Variants in MAGI2 observed in about 807,000 individuals in gnomAD.
MAGI2 encodes membrane associated guanylate kinase, WW and PDZ domain containing 2.
In MAGI2, 35 loss-of-function variants were observed where a neutral mutation model predicts 133.3. The ratio of observed to expected loss-of-function variants is 0.26; its 90% CI spans 0.20 to 0.35. MAGI2 has a LOEUF of 0.35. MAGI2 is among the 10% of genes least tolerant of loss of function. MAGI2 has a pLI of 1.00. For missense variants in MAGI2, 1,636 were observed against 1,863.4 expected (o/e 0.88, Z 2.25); for synonymous variants, 729 against 710.6 (o/e 1.03, Z -0.41).
intron 13 of MAGI2, among the ~76,000 whole-genome samples, chr7:78,182,437 C>A (rs1827274622): frequency 6.6e-6 from 1 of 152,154 alleles, no homozygotes; most frequent in African/African-American, 2.4e-5. Flanking sequence ...CACGTGTTAG[C>A]CATAGTAGAA....
intron 9 of MAGI2, among the ~76,000 whole-genome samples, chr7:78,342,976 T>C (rs950551707): frequency 1.3e-5 from 2 of 152,160 alleles, no homozygotes; most frequent in South Asian, 2.1e-4. Flanking sequence ...AATTACACTA[T>C]ACAAATCTTG....
rs561658629 is a variant in MAGI2 at position 78,202,652 on chromosome 7, C to T, written c.2048-1459G>A. On this transcript the variant is annotated intron_variant, in intron 10 of 21. Transcript: ENST00000354212. The stretch of plus-strand genomic sequence containing the variant: ...GAGCCAAGATCCCGCCACTGTACTC[C>T]AGCCTGGGCAACAGAGTGAGACTCT... Among the ~76,000 whole-genome samples the T allele has an allele frequency of 3.3e-4, 43 of 131,090 alleles. 1 individual carries two copies. In the East Asian group the frequency reaches 9.5e-3, roughly 29 times the overall value. 86.0% of individuals were successfully genotyped at this position (131,090 alleles called of 152,430 possible). A position where few individuals can be genotyped will look rare whatever the true frequency, so the allele number is the denominator to read the frequency against.
At chr7:78,815,676 T>C (rs1257191458) in intron 2 of MAGI2, among the ~76,000 whole-genome samples, 2 of 152,202 alleles carry the variant, frequency 1.3e-5, no homozygotes, top group East Asian at 1.9e-4. Context: ...CGGTGATCTG[T>C]GATCAGTGAG....
intron 6 of MAGI2, among the ~76,000 whole-genome samples, chr7:78,460,570 G>C (rs980799484): frequency 1.3e-5 from 2 of 152,172 alleles, no homozygotes; most frequent in Non-Finnish European, 2.9e-5. Context: ...TGACAGTGTG[G>C]TCTAAGAAGG....
intron 2 of MAGI2, among the ~76,000 whole-genome samples, chr7:78,647,674 C>T (rs10224880): frequency 1.3e-5 from 2 of 152,116 alleles, no homozygotes; most frequent in African/African-American, 2.4e-5. Context: ...TGAAATAATG[C>T]TACTACAAAC....
chr7:78,450,260 T>C lies in MAGI2; in HGVS notation c.1045+39501A>G, dbSNP rs1000369438. On this transcript the variant is annotated intron_variant, in intron 6 of 21. Transcript: ENST00000354212. ...ATATGATTTAAACAATACTAACTCC[T>C]TTCAATCCTGGGAATTCATTAAAAT... Among the ~76,000 whole-genome samples the C allele has an allele frequency of 2.0e-5, 3 of 152,064 alleles. No individual in the cohort carries two copies. In the East Asian group the frequency reaches 5.8e-4, roughly 29 times the overall value.
At chr7:78,420,417 A>G (rs1407573912) in intron 6 of MAGI2, among the ~76,000 whole-genome samples, 1 of 152,178 alleles carries the variant, frequency 6.6e-6, no homozygotes, top group African/African-American at 2.4e-5. Flanking sequence ...AGAAATAAAA[A>G]TCCAATAAAG....
chr7:78,438,637 C>T (rs1321711754), intron 6 of MAGI2, among the ~76,000 whole-genome samples: 2 of 152,138 alleles, frequency 1.3e-5, no homozygotes, highest in Non-Finnish European at 2.9e-5. Flanking sequence ...GTACTCACTC[C>T]AAACCTGGGT....
chr7:78,194,380 A>G (rs1488156535), intron 12 of MAGI2, among the ~76,000 whole-genome samples: 1 of 152,208 alleles, frequency 6.6e-6, no homozygotes, highest in Non-Finnish European at 1.5e-5. Context: ...GGCAGAGATG[A>G]TTGGCACCTA....
At chr7:78,068,110 G>C (rs1239074184) in intron 21 of MAGI2, among the ~76,000 whole-genome samples, 1 of 152,196 alleles carries the variant, frequency 6.6e-6, no homozygotes, top group African/African-American at 2.4e-5. Flanking sequence ...TAGACCAGGT[G>C]GGGGTAGGGG....
rs201930321 is a variant in MAGI2, at chr7:78,369,114, C to A, written c.1103+42G>T. 1.7e-4 allele frequency: 231 copies of A among 1,364,942 alleles called. 1 individual carries two copies. In the African/African-American group the frequency reaches 3.0e-3, roughly 18 times the overall value. The allele number at this position is 1,364,942 out of a possible 1,614,324, so 84.6% of individuals were successfully genotyped here. On this transcript the variant is annotated intron_variant, in intron 7 of 21. Coordinates refer to ENST00000354212, the MANE Select transcript of MAGI2 (RefSeq NM_012301.4). ...TAAATAAAATACTAACATAATTTCACAACATATTAATAACAAGTTAATATC... is the reference window on the plus strand; with the variant it reads ...TAAATAAAATACTAACATAATTTCAAAACATATTAATAACAAGTTAATATC...
At position 79,384,918 on chromosome 7, in the gene MAGI2, A is replaced by C. The variant is rs1299227210; in HGVS notation, c.301+68102T>G. On this transcript the variant is annotated intron_variant, in intron 1 of 21. Transcript: ENST00000354212. ...TTTTCCACAAATATCTTAGCAGTAT[A>C]CTATTTCACAGATAGTTTCTGTTAG... Among the ~76,000 whole-genome samples, 13 of 151,880 alleles carry C rather than the reference A, an allele frequency of 8.6e-5. 1 individual carries two copies. In the East Asian group the frequency reaches 2.5e-3, roughly 30 times the overall value.
chr7:78,497,773 T>TG (rs1794259068), intron 5 of MAGI2, among the ~76,000 whole-genome samples: 2 of 151,670 alleles, frequency 1.3e-5, no homozygotes, highest in Non-Finnish European at 1.5e-5. Context: ...TCTTTCTATC[T>TG]TATACACAGA....
At chr7:79,351,454 T>G (rs1243173037) in intron 1 of MAGI2, among the ~76,000 whole-genome samples, 1 of 152,098 alleles carries the variant, frequency 6.6e-6, no homozygotes, top group Non-Finnish European at 1.5e-5. Context: ...AAAATAATAC[T>G]AGAAGAAAAA....
chr7:78,440,609 T>C (rs1195398245), intron 6 of MAGI2, among the ~76,000 whole-genome samples: 1 of 151,870 alleles, frequency 6.6e-6, no homozygotes, highest in African/African-American at 2.4e-5. Context: ...AGAAAACATA[T>C]AAAAGTATAT....
intron 2 of MAGI2, among the ~76,000 whole-genome samples, chr7:78,967,274 G>C (rs1803396658): frequency 6.6e-6 from 1 of 151,976 alleles, no homozygotes; most frequent in South Asian, 2.1e-4. Flanking sequence ...GCCTGTTCAA[G>C]TCCTTTGCCC....
At chr7:78,879,799 G>C (rs1451111877) in intron 2 of MAGI2, among the ~76,000 whole-genome samples, 1 of 151,942 alleles carries the variant, frequency 6.6e-6, no homozygotes, top group Non-Finnish European at 1.5e-5. Context: ...AGCTTAATGA[G>C]ATTCAGAAAA....
intron 2 of MAGI2, among the ~76,000 whole-genome samples, chr7:78,666,155 A>C (rs1258712123): frequency 6.6e-6 from 1 of 152,186 alleles, no homozygotes; most frequent in African/African-American, 2.4e-5. Flanking sequence ...GGAACTTTAT[A>C]GCTTCCCATT....
chr7:79,030,500 CGTTTTT>C lies in MAGI2; in HGVS notation c.302-23300_302-23295del, dbSNP rs1810458466. ...GACAGACCACAGGGACGTAGTTCTC[CGTTTTT>C]GTTTTTGTTTGTTCCTTTGTTTTAA... On this transcript the variant is annotated intron_variant, in intron 1 of 21. Transcript: ENST00000354212. 3.3e-5 allele frequency among the ~76,000 whole-genome samples: 5 copies of C among 152,104 alleles called. No individual in the cohort carries two copies. The South Asian group carries it at 1.0e-3, about 32-fold the overall frequency.
Sources: gnomAD v4.1 joint callset for allele counts (sites outside exome capture counted in the v4.1 genomes callset) on GRCh38, gnomAD v4.1.1 for gene constraint, MANE v1.5 for transcripts, NCBI Gene and HGNC (gene_info 2026-07-23, HGNC 2026-07-21) for gene names.